ERBB4: variants seen among roughly 807,000 people sequenced by gnomAD.
ERBB4 encodes the protein receptor tyrosine-protein kinase erbB-4.
In ERBB4, 42 loss-of-function variants were observed where a neutral mutation model predicts 158.0. The observed-to-expected ratio is 0.27, with a 90% CI of 0.21 to 0.34. ERBB4 has a LOEUF of 0.34. Ranked by LOEUF, ERBB4 falls within the 10% of genes least tolerant of loss-of-function variation. The pLI, the probability that ERBB4 is intolerant of heterozygous loss-of-function variation, is 1.00. For missense variants in ERBB4, 1,333 were observed against 1,624.1 expected (o/e 0.82, Z 3.08); for synonymous variants, 583 against 558.7 (o/e 1.04, Z -0.61).
Position 211,692,673 on chromosome 2 carries a change from C to G in ERBB4, c.1489+9294G>C, listed in dbSNP as rs559461410. ...CACCTTTTCCTTTACGGTAGTCAAA[C>G]CTCCCTCTACCTTCCTCTTATAAAG... On this transcript the variant is annotated intron_variant, in intron 12 of 27. Coordinates refer to ENST00000342788, the MANE Select transcript of ERBB4 (RefSeq NM_005235.3). Among the ~76,000 whole-genome samples, 18 of 152,236 alleles carry G rather than the reference C, an allele frequency of 1.2e-4. 1 individual carries two copies. In the South Asian group the frequency reaches 3.7e-3, roughly 32 times the overall value.
At chr2:211,626,764 A>C (rs945102671) in intron 17 of ERBB4, among the ~76,000 whole-genome samples, 1 of 151,818 alleles carries the variant, frequency 6.6e-6, no homozygotes, top group Non-Finnish European at 1.5e-5. Context: ...CTCTACTAAA[A>C]ATACAAAAAA....
chr2:211,573,339 A>G (rs2067790621), intron 19 of ERBB4, among the ~76,000 whole-genome samples: 2 of 152,120 alleles, frequency 1.3e-5, no homozygotes, highest in South Asian at 4.1e-4. Flanking sequence ...GTGATATAAT[A>G]TATTTCTGTT....
Position 211,424,057 on chromosome 2 carries a change from G to A in ERBB4, c.2866+98C>T, listed in dbSNP as rs112244151. On this transcript the variant is annotated intron_variant, in intron 23 of 27. Transcript: ENST00000342788. ...CTTTCATAATTGTTTTTGAACTGTCGTATTTTTCAATACAGAGAAATGTTG... is the reference window on the plus strand; with the variant it reads ...CTTTCATAATTGTTTTTGAACTGTCATATTTTTCAATACAGAGAAATGTTG... The A allele has an allele frequency of 9.6e-5, 118 of 1,229,532 alleles. 2 individuals are homozygous for A. In the East Asian group the frequency reaches 1.8e-3, roughly 19 times the overall value. The allele number at this position is 1,229,532 out of a possible 1,614,324, so 76.2% of individuals were successfully genotyped here. A position where few individuals can be genotyped will look rare whatever the true frequency, so the allele number is the denominator to read the frequency against.
chr2:211,824,382 C>T (rs1265604710), intron 3 of ERBB4, among the ~76,000 whole-genome samples: 2 of 151,964 alleles, frequency 1.3e-5, no homozygotes, highest in Non-Finnish European at 2.9e-5. Context: ...GTATCTCTGG[C>T]ATTATGGAAG....
At chr2:212,249,093 C>T (rs1247415353) in intron 1 of ERBB4, among the ~76,000 whole-genome samples, 3 of 151,992 alleles carry the variant, frequency 2.0e-5, no homozygotes, top group East Asian at 1.9e-4. Flanking sequence ...CAGCAACAGA[C>T]CTTCATTCAA....
At chr2:212,417,033 A>G (rs2091671361) in intron 1 of ERBB4, among the ~76,000 whole-genome samples, 1 of 152,042 alleles carries the variant, frequency 6.6e-6, no homozygotes, top group African/African-American at 2.4e-5. Flanking sequence ...GGAGAGGGAA[A>G]ATGGATTTAT....
At chr2:211,720,089 G>C (rs2074046312) in intron 7 of ERBB4, among the ~76,000 whole-genome samples, 2 of 152,192 alleles carry the variant, frequency 1.3e-5, no homozygotes, top group Non-Finnish European at 2.9e-5. Flanking sequence ...GCGATGAGCA[G>C]GAGGTGCTAG....
At chr2:212,484,705 G>A (rs73063178) in intron 1 of ERBB4, among the ~76,000 whole-genome samples, 5,796 of 152,224 alleles carry the variant, frequency 0.038, 382 homozygotes, top group African/African-American at 0.13. Flanking sequence ...TTTAAGGTTA[G>A]GCCTACCTCA....
chr2:212,036,286 T>A (rs1263514257), intron 2 of ERBB4, among the ~76,000 whole-genome samples: 1 of 152,106 alleles, frequency 6.6e-6, no homozygotes, highest in Non-Finnish European at 1.5e-5. Flanking sequence ...AACAGTTAAA[T>A]GCTAGTTCAA....
intron 1 of ERBB4, among the ~76,000 whole-genome samples, chr2:212,311,351 A>G (rs1475495848): frequency 6.6e-6 from 1 of 150,914 alleles, no homozygotes; most frequent in African/African-American, 2.4e-5. Context: ...GTTACACAAT[A>G]GAACAAAAAA....
intron 2 of ERBB4, among the ~76,000 whole-genome samples, chr2:212,003,194 AAAG>A (rs2076165896): frequency 4.3e-5 from 3 of 70,516 alleles, no homozygotes; most frequent in South Asian, 5.3e-4. Context: ...AGAAAGAAAG[AAAG>A]AAAGAAAGAC....
At chr2:212,062,807 G>A (rs1055241977) in intron 2 of ERBB4, among the ~76,000 whole-genome samples, 45 of 152,088 alleles carry the variant, frequency 3.0e-4, no homozygotes, top group Non-Finnish European at 1.5e-4. Flanking sequence ...AGGACATAAT[G>A]AACACATTTT....
chr2:212,116,690 C>A (rs1401210916), intron 2 of ERBB4, among the ~76,000 whole-genome samples: 1 of 152,174 alleles, frequency 6.6e-6, no homozygotes, highest in Non-Finnish European at 1.5e-5. Context: ...CCTACCTCAG[C>A]CTCCCAAAGT....
chr2:211,669,239 GAAA>G (rs1443445373), intron 14 of ERBB4, among the ~76,000 whole-genome samples: 9 of 98,246 alleles, frequency 9.2e-5, no homozygotes, highest in Non-Finnish European at 8.8e-5. Context: ...AAAAAAAAAA[GAAA>G]AAAGAAAAAA....
intron 20 of ERBB4, among the ~76,000 whole-genome samples, chr2:211,534,863 G>A (rs950367421): frequency 3.3e-5 from 5 of 152,034 alleles, no homozygotes; most frequent in Admixed American, 1.3e-4. Context: ...TGACCCTGTG[G>A]GTTTGAACGC....
intron 3 of ERBB4, among the ~76,000 whole-genome samples, chr2:211,795,972 CAT>C (rs1204779565): frequency 3.3e-5 from 5 of 151,886 alleles, no homozygotes; most frequent in African/African-American, 7.2e-5. Flanking sequence ...ATTTATAAAA[CAT>C]AAATCTTGTG....
chr2:211,762,440 G>A (rs2075438455), intron 4 of ERBB4, among the ~76,000 whole-genome samples: 1 of 152,206 alleles, frequency 6.6e-6, no homozygotes, highest in Non-Finnish European at 1.5e-5. Context: ...TCGGGCTCTT[G>A]TAGAGTTCAG....
In ERBB4 at chr2:212,499,981, C is replaced by G. The variant is rs79649690; in HGVS notation, c.82+38468G>C. ...ATAAGTGATTTCTCATGAGATGACA[C>G]CATACATTAACACACATGTTAAATA... On this transcript the variant is annotated intron_variant, in intron 1 of 27. Coordinates refer to ENST00000342788, the MANE Select transcript of ERBB4 (RefSeq NM_005235.3). 5.7e-4 allele frequency among the ~76,000 whole-genome samples: 86 copies of G among 152,168 alleles called. 2 individuals carry two copies. In the East Asian group the frequency reaches 0.015, roughly 27 times the overall value.
At chr2:211,388,444 G>A (rs1342487884) in intron 25 of ERBB4, among the ~76,000 whole-genome samples, 3 of 152,058 alleles carry the variant, frequency 2.0e-5, no homozygotes, top group Non-Finnish European at 2.9e-5. Flanking sequence ...AGGAGATTTC[G>A]ATTTGCCTGG....
Sources: gnomAD v4.1 joint callset for allele counts (sites outside exome capture counted in the v4.1 genomes callset) on GRCh38, gnomAD v4.1.1 for gene constraint, MANE v1.5 for transcripts, NCBI Gene and HGNC (gene_info 2026-07-23, HGNC 2026-07-21) for gene names.